Variants in TENM2 observed in about 807,000 individuals in gnomAD.
TENM2 encodes the protein teneurin transmembrane protein 2, also known as teneurin-2.
In TENM2, 52 loss-of-function variants were observed where a neutral mutation model predicts 245.2. The observed-to-expected ratio is 0.21, with a 90% CI of 0.17 to 0.27. TENM2 has a LOEUF of 0.27. Ranked by LOEUF, TENM2 falls within the 10% of genes least tolerant of loss-of-function variation. The probability of loss-of-function intolerance (pLI) is 1.00; values close to 1 mark genes in which losing one functional copy is unlikely to be tolerated. For synonymous variants in TENM2, 1,363 were observed against 1,438.9 expected, an observed-to-expected ratio of 0.95 and a Z score of 1.19; for missense variants, 3,046 against 3,666.8, an observed-to-expected ratio of 0.83 and a Z score of 4.37.
At chr5:167,522,414 A>G (rs1056009049) in intron 2 of TENM2, among the ~76,000 whole-genome samples, 1 of 152,110 alleles carries the variant, frequency 6.6e-6, no homozygotes, top group African/African-American at 2.4e-5. Flanking sequence ...TGAAATGAGT[A>G]ATGAACCCAG....
chr5:167,582,411 A>T (rs951070651), intron 2 of TENM2, among the ~76,000 whole-genome samples: 1 of 152,142 alleles, frequency 6.6e-6, no homozygotes, highest in African/African-American at 2.4e-5. Context: ...GTTTATAATC[A>T]CCTATCCTAT....
chr5:167,192,909 G>A, the TENM2 span, among the ~76,000 whole-genome samples: 1 of 152,014 alleles, frequency 6.6e-6, no homozygotes, highest in Non-Finnish European at 1.5e-5. Context: ...AGATATTGCA[G>A]GACCTAAATA....
At chr5:167,692,027 C>T (rs757887802) in intron 2 of TENM2, among the ~76,000 whole-genome samples, 13 of 152,136 alleles carry the variant, frequency 8.5e-5, no homozygotes, top group Non-Finnish European at 1.8e-4. Context: ...CTACCAAACC[C>T]TCTGCCTTCC....
intron 20 of TENM2, among the ~76,000 whole-genome samples, chr5:168,212,186 TA>T (rs35000778): frequency 0.01 from 1,496 of 145,738 alleles, 9 homozygotes; most frequent in Middle Eastern, 0.053. Context: ...TGGTCATCTT[TA>T]AAAAAAAAAA....
chr5:167,324,024 C>A (rs1176687590), intron 1 of TENM2, among the ~76,000 whole-genome samples: 1 of 152,156 alleles, frequency 6.6e-6, no homozygotes, highest in Non-Finnish European at 1.5e-5. Flanking sequence ...AGTTTGAATT[C>A]GTCTTAGCCG....
chr5:168,228,950 A>G (rs1315682401), intron 25 of TENM2, among the ~76,000 whole-genome samples: 1 of 147,790 alleles, frequency 6.8e-6, no homozygotes, highest in African/African-American at 2.5e-5. Flanking sequence ...AATTATATAC[A>G]TTATATGTAT....
the TENM2 span, among the ~76,000 whole-genome samples, chr5:167,261,237 G>A: frequency 6.6e-6 from 1 of 152,092 alleles, no homozygotes; most frequent in African/African-American, 2.4e-5. Context: ...TAGGATAAGG[G>A]GCGTGAAGGC....
At chr5:167,985,862 A>G (rs1783204327) in intron 4 of TENM2, among the ~76,000 whole-genome samples, 1 of 152,210 alleles carries the variant, frequency 6.6e-6, no homozygotes, top group Admixed American at 6.5e-5. Flanking sequence ...ACTCAGAGAA[A>G]AGGGAAAAAC....
intron 11 of TENM2, 53 bp from the exon 14 acceptor site, chr5:168,126,701 T>C (rs1299721291): frequency 1.2e-5 from 18 of 1,496,162 alleles, no homozygotes; most frequent in Admixed American, 7.7e-5. Flanking sequence ...CTGGACTCCA[T>C]GGAAGGTTTC....
At chr5:167,326,812 G>A (rs1186306191) in intron 1 of TENM2, among the ~76,000 whole-genome samples, 1 of 150,958 alleles carries the variant, frequency 6.6e-6, no homozygotes, top group Non-Finnish European at 1.5e-5. Flanking sequence ...AATGCAAGAA[G>A]CATGTATAAT....
chr5:167,885,521 C>G (rs934400643), intron 3 of TENM2, among the ~76,000 whole-genome samples: 1 of 152,110 alleles, frequency 6.6e-6, no homozygotes, highest in Non-Finnish European at 1.5e-5. Flanking sequence ...AACAATTTTA[C>G]AGAACCCAAG....
chr5:167,017,720 A>G, the TENM2 span, among the ~76,000 whole-genome samples: 1 of 152,240 alleles, frequency 6.6e-6, no homozygotes, highest in Non-Finnish European at 1.5e-5. Context: ...TTAAAGCTTT[A>G]GATTGGATTT....
intron 2 of TENM2, among the ~76,000 whole-genome samples, chr5:167,788,590 G>T (rs1764736515): frequency 6.6e-6 from 1 of 152,130 alleles, no homozygotes; most frequent in Non-Finnish European, 1.5e-5. Flanking sequence ...AGTCAAAGAG[G>T]TAAAACTCAT....
At chr5:167,562,675 A>C (rs2127643644) in intron 2 of TENM2, among the ~76,000 whole-genome samples, 1 of 152,282 alleles carries the variant, frequency 6.6e-6, no homozygotes, top group South Asian at 2.1e-4. Context: ...TCAGTCAAAT[A>C]GAAAATGGTG....
chr5:168,063,909 A>G (rs1790273222), intron 7 of TENM2, among the ~76,000 whole-genome samples: 1 of 152,106 alleles, frequency 6.6e-6, no homozygotes, highest in Non-Finnish European at 1.5e-5. Context: ...GATCATACAC[A>G]GCCCGTGCTA....
intron 2 of TENM2, among the ~76,000 whole-genome samples, chr5:167,664,156 C>T (rs1240813882): frequency 1.3e-5 from 2 of 152,104 alleles, no homozygotes; most frequent in Non-Finnish European, 1.5e-5. Context: ...TTGACCTCTG[C>T]CAGGCTCTGT....
chr5:168,014,784 C>T (rs1453432656), intron 5 of TENM2, among the ~76,000 whole-genome samples: 1 of 152,144 alleles, frequency 6.6e-6, no homozygotes, highest in Non-Finnish European at 1.5e-5. Flanking sequence ...GTGGTTCCTG[C>T]CCGCAACCCC....
intron 2 of TENM2, among the ~76,000 whole-genome samples, chr5:167,588,346 C>T (rs763865157): frequency 6.6e-6 from 1 of 152,132 alleles, no homozygotes; most frequent in Non-Finnish European, 1.5e-5. Context: ...ATTGAATATT[C>T]GTGCATCACA....
At chr5:167,710,411 T>G (rs1442498381) in intron 2 of TENM2, among the ~76,000 whole-genome samples, 1 of 152,168 alleles carries the variant, frequency 6.6e-6, no homozygotes, top group Non-Finnish European at 1.5e-5. Context: ...AGAGGAGCCC[T>G]GGGAGCACTT....
Sources: allele counts gnomAD v4.1 joint callset (sites outside exome capture counted in the v4.1 genomes callset), GRCh38; gene constraint gnomAD v4.1.1; transcripts MANE v1.5; gene names NCBI Gene and HGNC (gene_info 2026-07-23, HGNC 2026-07-21).